The following POLK variants were observed in gnomAD, a reference collection of about 807,000 sequenced individuals.
POLK encodes the protein DNA polymerase kappa.
Under a neutral mutation model 94.0 loss-of-function variants are expected in POLK, and 76 were observed. That is an observed-to-expected ratio of 0.81 (90% CI 0.67 to 0.98). The LOEUF (loss-of-function observed/expected upper bound fraction) is 0.98, where lower values mean the gene tolerates loss of function less well. Among genes scored for constraint, POLK ranks in the 50% least tolerant of loss-of-function variants. The pLI, the probability that POLK is intolerant of heterozygous loss-of-function variation, is 0.00. For missense variants in POLK, 954 were observed against 1,010.1 expected (o/e 0.94, Z 0.75); for synonymous variants, 349 against 325.4 (o/e 1.07, Z -0.78).
chr5:75,532,264 A>T (rs780174730), intron 1 of POLK, among the ~76,000 whole-genome samples: 1 of 152,102 alleles, frequency 6.6e-6, no homozygotes, highest in African/African-American at 2.4e-5. Flanking sequence ...AGTAGGCTCC[A>T]GTGTCTGTTG....
At chr5:75,515,886 G>A (rs560232704) in intron 1 of POLK, among the ~76,000 whole-genome samples, 21 of 152,134 alleles carry the variant, frequency 1.4e-4, no homozygotes, top group Admixed American at 1.0e-3. Flanking sequence ...GTGAGACCTC[G>A]TCTCTAGTAT....
chr5:75,548,745 T>C (rs1770184302), intron 2 of POLK, among the ~76,000 whole-genome samples: 1 of 152,006 alleles, frequency 6.6e-6, no homozygotes, highest in Non-Finnish European at 1.5e-5. Context: ...TGTGTGTGTG[T>C]ATACACTCAT....
the POLK span, chr5:75,609,129 G>A: frequency 6.6e-6 from 1 of 152,222 alleles, no homozygotes; most frequent in East Asian, 1.9e-4. Context: ...AGCATAAAAT[G>A]ATGATGCATT....
intron 4 of POLK, among the ~76,000 whole-genome samples, chr5:75,569,749 C>G (rs1470481260): frequency 3.3e-5 from 5 of 152,170 alleles, no homozygotes. Context: ...GTCAGGCAAG[C>G]AAACGAAGCT....
exon 13 of POLK, chr5:75,596,613 T>C: frequency 6.2e-7 from 1 of 1,614,052 alleles, no homozygotes; most frequent in South Asian, 1.1e-5. Context: ...AAGCCTTGAA[T>C]AAACATGTAG....
chr5:75,538,961 G>A (rs1241007785), intron 1 of POLK, among the ~76,000 whole-genome samples: 1 of 152,032 alleles, frequency 6.6e-6, no homozygotes, highest in Non-Finnish European at 1.5e-5. Context: ...TAGTAGAGAT[G>A]AGATTTCATC....
At chr5:75,566,968 T>G (rs966883991) in intron 3 of POLK, among the ~76,000 whole-genome samples, 2 of 152,188 alleles carry the variant, frequency 1.3e-5, no homozygotes, top group African/African-American at 4.8e-5. Flanking sequence ...GAAGAAACTT[T>G]TAAAAGCAGT....
chr5:75,511,802 C>G (rs1402147343), exon 1 of POLK: 2 of 1,551,414 alleles, frequency 1.3e-6, no homozygotes, highest in African/African-American at 2.7e-5. Flanking sequence ...GCAGGAGGAG[C>G]GGAGAAAGGA....
chr5:75,544,521 A>C (rs1769912400), intron 1 of POLK, among the ~76,000 whole-genome samples: 1 of 152,190 alleles, frequency 6.6e-6, no homozygotes, highest in Admixed American at 6.5e-5. Flanking sequence ...GTGCACCTGT[A>C]GTTCAAGCTA....
intron 11 of POLK, among the ~76,000 whole-genome samples, chr5:75,591,087 G>A (rs762279812): frequency 3.5e-4 from 54 of 152,152 alleles, no homozygotes; most frequent in Non-Finnish European, 6.6e-4. Context: ...AAGACCTAGT[G>A]TTCAATAGAT....
rs372566786 is a variant in POLK, at chr5:75,552,634, G to C, written c.255+43G>C. ...AAATAAAGTGGAAGCTGGTAGAATA[G>C]TAATTGACAGTTAAAATGTATTGTC... On this transcript the variant is annotated intron_variant, in intron 3 of 14. Coordinates refer to ENST00000241436, the Ensembl canonical transcript of POLK. The C allele has an allele frequency of 1.2e-5, 18 of 1,514,336 alleles. No individual in the cohort carries two copies. In the African/African-American group the frequency reaches 2.5e-4, roughly 21 times the overall value. 93.8% of individuals were successfully genotyped at this position (1,514,336 alleles called of 1,614,324 possible).
chr5:75,550,121 A>G (rs1050804339), intron 2 of POLK, among the ~76,000 whole-genome samples: 37 of 152,246 alleles, frequency 2.4e-4, no homozygotes, highest in African/African-American at 4.3e-4. Flanking sequence ...ACACTTCCCA[A>G]CTCCTATGAG....
intron 2 of POLK, among the ~76,000 whole-genome samples, chr5:75,552,115 A>G (rs1770364852): frequency 6.6e-6 from 1 of 152,198 alleles, no homozygotes; most frequent in South Asian, 2.1e-4. Context: ...AATGCAATAG[A>G]TAACTGATGA....
At chr5:75,592,174 C>A (rs1399948442) in intron 11 of POLK, among the ~76,000 whole-genome samples, 1 of 152,236 alleles carries the variant, frequency 6.6e-6, no homozygotes, top group Non-Finnish European at 1.5e-5. Flanking sequence ...ATTGTCTCCA[C>A]TGAAACCCTG....
chr5:75,548,560 T>C (rs1276033880), intron 2 of POLK, among the ~76,000 whole-genome samples: 1 of 150,264 alleles, frequency 6.7e-6, no homozygotes, highest in Non-Finnish European at 1.5e-5. Flanking sequence ...TATTAGTATG[T>C]TGTATTATAT....
intron 4 of POLK, among the ~76,000 whole-genome samples, chr5:75,571,288 G>T (rs549990238): frequency 2.6e-5 from 4 of 152,122 alleles, no homozygotes; most frequent in Non-Finnish European, 5.9e-5. Context: ...GTGATTGTTT[G>T]ATTATTCCCA....
chr5:75,514,967 A>T (rs775531254), intron 1 of POLK, among the ~76,000 whole-genome samples: 1 of 152,236 alleles, frequency 6.6e-6, no homozygotes, highest in African/African-American at 2.4e-5. Context: ...GGTGTGTTAC[A>T]TAGTTTTTCT....
At chr5:75,536,921 C>A (rs1769473216) in intron 1 of POLK, among the ~76,000 whole-genome samples, 1 of 152,056 alleles carries the variant, frequency 6.6e-6, no homozygotes, top group Non-Finnish European at 1.5e-5. Flanking sequence ...CCCAGCATTT[C>A]TTGGGATGAC....
intron 3 of POLK, among the ~76,000 whole-genome samples, chr5:75,559,060 T>G (rs1029382089): frequency 6.6e-6 from 1 of 152,210 alleles, no homozygotes; most frequent in Non-Finnish European, 1.5e-5. Flanking sequence ...TTATGTTGAT[T>G]GTTCAATTGT....
Sources: allele counts gnomAD v4.1 joint callset (sites outside exome capture counted in the v4.1 genomes callset), GRCh38; gene constraint gnomAD v4.1.1; transcripts MANE v1.5; gene names NCBI Gene and HGNC (gene_info 2026-07-23, HGNC 2026-07-21).